Variants in NAALADL2 observed in about 807,000 individuals in gnomAD.
The protein encoded by NAALADL2 is inactive N-acetylated-alpha-linked acidic dipeptidase-like protein 2.
In NAALADL2, 76 loss-of-function variants were observed where a neutral mutation model predicts 87.2. The ratio of observed to expected loss-of-function variants is 0.87; its 90% CI spans 0.72 to 1.05. The LOEUF (loss-of-function observed/expected upper bound fraction) is 1.05, where lower values mean the gene tolerates loss of function less well. Ranked by LOEUF, NAALADL2 falls within the 50% of genes least tolerant of loss-of-function variation. NAALADL2 has a pLI of 0.00. For missense variants in NAALADL2, 1,089 were observed against 945.8 expected, an observed-to-expected ratio of 1.15 and a Z score of -1.99; for synonymous variants, 354 against 331.0, an observed-to-expected ratio of 1.07 and a Z score of -0.75.
At chr3:175,744,199 G>C (rs1707965451) in intron 12 of NAALADL2, among the ~76,000 whole-genome samples, 1 of 152,152 alleles carries the variant, frequency 6.6e-6, no homozygotes, top group African/African-American at 2.4e-5. Context: ...GTCATCACAG[G>C]AGGAACAAAA....
At chr3:175,481,737 T>C (rs1381152726) in intron 9 of NAALADL2, among the ~76,000 whole-genome samples, 1 of 151,894 alleles carries the variant, frequency 6.6e-6, no homozygotes. Context: ...GGTTTACTCA[T>C]ATAATGAAAT....
rs147279123 is a variant in NAALADL2, at chr3:175,538,557, A to G, written c.1654-37484A>G. Among the ~76,000 whole-genome samples the G allele has an allele frequency of 7.4e-4, 113 of 152,232 alleles. 3 individuals carry two copies. In the East Asian group the frequency reaches 0.018, roughly 24 times the overall value. On this transcript the variant is annotated intron_variant, in intron 9 of 13. Transcript: ENST00000454872. The stretch of plus-strand genomic sequence containing the variant: ...AAACAAACATTAGCTGAAGTTTTCT[A>G]TCCTAATATTGAATTATATAGATAT...
At chr3:175,117,690 T>C (rs1015275318) in intron 2 of NAALADL2, among the ~76,000 whole-genome samples, 14 of 151,604 alleles carry the variant, frequency 9.2e-5, no homozygotes, top group African/African-American at 4.9e-5. Context: ...AGTTCAACCA[T>C]TGTGGAAGAC....
intron 1 of NAALADL2, among the ~76,000 whole-genome samples, chr3:174,878,631 T>A (rs995050133): frequency 2.6e-5 from 4 of 152,084 alleles, no homozygotes; most frequent in African/African-American, 9.7e-5. Flanking sequence ...TCTTGAATTT[T>A]TTTCTTGTTG....
chr3:174,643,329 G>C (rs988467722), intron 2 of NAALADL2, among the ~76,000 whole-genome samples: 1 of 152,066 alleles, frequency 6.6e-6, no homozygotes, highest in African/African-American at 2.4e-5. Flanking sequence ...AGAGAACAGA[G>C]AATGACTACA....
chr3:175,786,346 T>C lies in NAALADL2; in HGVS notation c.2190-16659T>C, dbSNP rs373381135. On this transcript the variant is annotated intron_variant, in intron 13 of 13. Coordinates refer to ENST00000454872, the MANE Select transcript of NAALADL2 (RefSeq NM_207015.3). ...ATCACTTTCAGGTACACCAATGAGA[T>C]GTAGATTTGGTCTTTTCACATAGTC... is the stretch of plus-strand genomic sequence containing the variant. Among the ~76,000 whole-genome samples, 32 of 152,324 alleles carry C rather than the reference T, an allele frequency of 2.1e-4. No individual in the cohort carries two copies. In the East Asian group the frequency reaches 3.7e-3, roughly 17 times the overall value.
chr3:175,364,055 G>A (rs909310244), intron 5 of NAALADL2, among the ~76,000 whole-genome samples: 2 of 147,672 alleles, frequency 1.4e-5, no homozygotes, highest in African/African-American at 4.9e-5. Flanking sequence ...GTATTTCAGA[G>A]TAAAGTGGCT....
chr3:174,814,737 T>G (rs896979846), intron 3 of NAALADL2, among the ~76,000 whole-genome samples: 1 of 152,166 alleles, frequency 6.6e-6, no homozygotes, highest in Non-Finnish European at 1.5e-5. Flanking sequence ...TGGGCAGATA[T>G]CTTCCAAAAG....
At chr3:175,604,787 T>C (rs973231541) in intron 10 of NAALADL2, among the ~76,000 whole-genome samples, 1 of 152,156 alleles carries the variant, frequency 6.6e-6, no homozygotes, top group Non-Finnish European at 1.5e-5. Context: ...ATTTTAAGCA[T>C]GAAAACATCC....
intron 2 of NAALADL2, among the ~76,000 whole-genome samples, chr3:175,210,613 G>C (rs1451837019): frequency 1.3e-5 from 2 of 151,370 alleles, no homozygotes; most frequent in African/African-American, 4.8e-5. Context: ...TGGTAGGCAG[G>C]AGGAAGGTAA....
intron 5 of NAALADL2, among the ~76,000 whole-genome samples, chr3:175,325,143 ATTTTTTTTGTT>A (rs11275211): frequency 0.22 from 33,769 of 151,742 alleles, 4,249 homozygotes; most frequent in East Asian, 0.46. Flanking sequence ...GTTCTGCCAA[ATTTTTTTTGTT>A]TTTTTTTCCC....
chr3:175,499,225 A>G (rs1729214834), intron 9 of NAALADL2, among the ~76,000 whole-genome samples: 1 of 152,084 alleles, frequency 6.6e-6, no homozygotes, highest in Admixed American at 6.6e-5. Flanking sequence ...AACTATTTTT[A>G]CACTGTCTAA....
At chr3:175,478,881 T>C (rs1240900731) in intron 9 of NAALADL2, among the ~76,000 whole-genome samples, 1 of 151,878 alleles carries the variant, frequency 6.6e-6, no homozygotes, top group Non-Finnish European at 1.5e-5. Flanking sequence ...TGTTGCTCTA[T>C]TTCCCCCCTT....
chr3:174,836,165 A>C (rs1723306380), intron 3 of NAALADL2, among the ~76,000 whole-genome samples: 1 of 152,230 alleles, frequency 6.6e-6, no homozygotes, highest in Non-Finnish European at 1.5e-5. Flanking sequence ...AAAAGGAAGA[A>C]AAATTCTGAA....
chr3:174,891,011 A>T (rs1172247634), intron 1 of NAALADL2, among the ~76,000 whole-genome samples: 3 of 152,084 alleles, frequency 2.0e-5, no homozygotes, highest in African/African-American at 7.2e-5. Context: ...TAGATACTTA[A>T]CTACTTAAGA....
chr3:174,637,255 T>C (rs1441069771), intron 2 of NAALADL2, among the ~76,000 whole-genome samples: 1 of 151,994 alleles, frequency 6.6e-6, no homozygotes, highest in Admixed American at 6.6e-5. Context: ...GTTCTAATGT[T>C]TTATAGCAGA....
At chr3:175,353,360 A>T (rs557235512) in intron 5 of NAALADL2, among the ~76,000 whole-genome samples, 1 of 152,274 alleles carries the variant, frequency 6.6e-6, no homozygotes, top group East Asian at 1.9e-4. Context: ...CAAATAAAAC[A>T]TATAATATTA....
intron 1 of NAALADL2, among the ~76,000 whole-genome samples, chr3:174,862,950 G>C (rs1726682900): frequency 6.6e-6 from 1 of 152,084 alleles, no homozygotes; most frequent in Non-Finnish European, 1.5e-5. Flanking sequence ...AAGTACAGAG[G>C]AGTTGGCTGG....
intron 1 of NAALADL2, among the ~76,000 whole-genome samples, chr3:174,978,397 CATA>C (rs1455680653): frequency 6.6e-6 from 1 of 152,130 alleles, no homozygotes; most frequent in Non-Finnish European, 1.5e-5. Context: ...TCAACAGAAG[CATA>C]ATAATTTGTT....
Sources: allele counts gnomAD v4.1 joint callset (sites outside exome capture counted in the v4.1 genomes callset), GRCh38; gene constraint gnomAD v4.1.1; transcripts MANE v1.5; gene names NCBI Gene and HGNC (gene_info 2026-07-23, HGNC 2026-07-21).